The following DMBX1 variants were observed in gnomAD, a reference collection of about 807,000 sequenced individuals.
DMBX1 encodes the protein diencephalon/mesencephalon homeobox 1.
In DMBX1, 7 loss-of-function variants were observed where a neutral mutation model predicts 30.4. That is an observed-to-expected ratio of 0.23 (90% CI 0.13 to 0.43). DMBX1 has a LOEUF of 0.43. DMBX1 is among the 20% of genes least tolerant of loss of function. The pLI is 1.00. For synonymous variants in DMBX1, 222 were observed against 214.2 expected (o/e 1.04, Z -0.32); for missense variants, 460 against 508.5 (o/e 0.90, Z 0.92).
rs575700564 is a variant in DMBX1, at chr1:46,493,283, C to G, written c.-13+2500C>G. Among the ~76,000 whole-genome samples the G allele has an allele frequency of 5.9e-5, 9 of 152,314 alleles. No homozygotes were observed. In the South Asian group the frequency reaches 1.7e-3, roughly 28 times the overall value. ...CTTTCGGCAGGGTGTGTGTTCTGGT[C>G]TCCACATTCATCCTGCACTGAGTGC... On this transcript the variant is annotated intron_variant, in intron 2 of 5. Transcript: ENST00000360032. The surrounding 1 kb of genome is among the most constrained non-coding windows in gnomAD (Gnocchi z 4.1).
chr1:46,494,429 G>A (rs1421918136), intron 2 of DMBX1, among the ~76,000 whole-genome samples: 1 of 152,200 alleles, frequency 6.6e-6, no homozygotes. Flanking sequence ...ATTAGCCTGC[G>A]GGGGGCTAAT....
intron 2 of DMBX1, among the ~76,000 whole-genome samples, chr1:46,497,960 A>G (rs1343490392): frequency 3.3e-5 from 5 of 152,124 alleles, no homozygotes; most frequent in African/African-American, 1.2e-4. Context: ...TATATAATTG[A>G]TTCTGTTTGG....
intron 3 of DMBX1, 46 bp downstream of exon 3, chr1:46,507,210 T>C (rs1322332769): frequency 6.2e-7 from 1 of 1,603,948 alleles, no homozygotes; most frequent in South Asian, 1.1e-5. Context: ...CTGTGGGGGT[T>C]GGGGGAGAAG....
At position 46,510,882 on chromosome 1, in the gene DMBX1, A is replaced by G. The variant is rs1159573514; in HGVS notation, c.334-53A>G. The G allele has an allele frequency of 6.6e-7, 1 of 1,512,796 alleles. No individual in the cohort carries two copies. The highest frequency in any genetic ancestry group is 8.9e-7 in the Non-Finnish European group (1 of 1,126,780). 93.7% of individuals were successfully genotyped at this position (1,512,796 alleles called of 1,614,324 possible). A position where few individuals can be genotyped will look rare whatever the true frequency, so the allele number is the denominator to read the frequency against. ...CCTCTCCCAGAGCACCCTGCTCCAC[A>G]CCAACCCCACTTCTTTCTTGCCCAC... On this transcript the variant is annotated intron_variant, in intron 4 of 5. Transcript: ENST00000360032. This position sits in a 1 kb window ranked among gnomAD's most constrained non-coding sequence, Gnocchi z 4.1.
chr1:46,502,945 C>T (rs1254791019), intron 2 of DMBX1, among the ~76,000 whole-genome samples: 1 of 152,208 alleles, frequency 6.6e-6, no homozygotes, highest in Non-Finnish European at 1.5e-5. Context: ...CCTCAAGACC[C>T]TCCAGGGGCT....
At chr1:46,508,629 AG>A (rs1177758607) in intron 3 of DMBX1, among the ~76,000 whole-genome samples, 1 of 152,216 alleles carries the variant, frequency 6.6e-6, no homozygotes, top group African/African-American at 2.4e-5. Context: ...AGTCAGGGAC[AG>A]GGGGCTCATG....
rs753300142 is a variant in DMBX1, at chr1:46,511,089, C to A, written c.488C>A (p.Pro163Gln). 1 of 1,614,148 alleles carries A rather than the reference C, an allele frequency of 6.2e-7. No individual in the cohort carries two copies. The highest frequency in any genetic ancestry group is 8.5e-7 in the Non-Finnish European group (1 of 1,180,018). ...ACCCAGCTGGACACTGAGCAGCCCC[C>A]ACGTCTGCCTGGCAGCGACCCCCCT... is the stretch of plus-strand genomic sequence containing the variant. Reference protein sequence around the residue: ...PDTQLDTEQPPRLPGSDPPAE... With the variant: ...PDTQLDTEQPQRLPGSDPPAE... Residue 163 changes from proline to glutamine, a missense_variant, in exon 5 of 6, where the codon CCA becomes CAA. Around this residue, in one of 3 missense-constraint regions of DMBX1, gnomAD observed 334 missense variants for 345.1 expected, o/e 0.97. Coordinates refer to ENST00000360032, the MANE Select transcript of DMBX1 (RefSeq NM_172225.2).
At chr1:46,501,216 T>C (rs530582578) in intron 2 of DMBX1, among the ~76,000 whole-genome samples, 1 of 63,986 alleles carries the variant, frequency 1.6e-5, no homozygotes, top group African/African-American at 6.5e-5. Flanking sequence ...CTTCCTTCCT[T>C]TCTTTCTTTC....
chr1:46,503,295 A>C (rs138361850), intron 2 of DMBX1, among the ~76,000 whole-genome samples: 1 of 151,976 alleles, frequency 6.6e-6, no homozygotes, highest in Non-Finnish European at 1.5e-5. Context: ...CCCTCTTGTC[A>C]TTCTCCTCCT....
intron 2 of DMBX1, among the ~76,000 whole-genome samples, chr1:46,499,325 C>T (rs578079244): frequency 6.6e-5 from 10 of 152,326 alleles, no homozygotes; most frequent in Admixed American, 4.6e-4. Context: ...GCGTAAGCCC[C>T]GCGCCCAGCA....
At position 46,491,839 on chromosome 1, in the gene DMBX1, T is replaced by A. The variant is rs1665934348; in HGVS notation, c.-13+1056T>A. Reference sequence around the variant, plus strand: ...TGGCCTAAGGACGAATGAATTTAGTTCCTACCTCCCCTTTCTGCAAACCAG... The same window carrying A: ...TGGCCTAAGGACGAATGAATTTAGTACCTACCTCCCCTTTCTGCAAACCAG... On this transcript the variant is annotated intron_variant, in intron 2 of 5. Transcript: ENST00000360032. The surrounding 1 kb of genome is among the most constrained non-coding windows in gnomAD (Gnocchi z 5.5). Among the ~76,000 whole-genome samples, 1 of 152,196 alleles carries A rather than the reference T, an allele frequency of 6.6e-6. No homozygotes were observed. The highest frequency in any genetic ancestry group is 2.1e-4 in the South Asian group (1 of 4,820).
rs115343921 is a variant in DMBX1 at position 46,511,193 on chromosome 1, C to A, written c.592C>A (p.Pro198Thr). The change falls in exon 5 of 6, where the codon CCC becomes ACC. Residue 198 changes from proline to threonine, a missense_variant. Transcript: ENST00000360032. ...PEDQPDREED[P>T]RAGAEDPKAE... ...GGATCAGCCGGACCGTGAGGAGGAC[C>A]CCAGGGCAGGGGCTGAGGACCCCAA... 6.2e-7 allele frequency: 1 copy of A among 1,613,600 alleles called. No individual in the cohort carries two copies. The highest frequency in any genetic ancestry group is 1.3e-5 in the African/African-American group (1 of 75,044).
chr1:46,503,917 C>T (rs949727758), intron 2 of DMBX1, among the ~76,000 whole-genome samples: 3 of 152,194 alleles, frequency 2.0e-5, no homozygotes, highest in South Asian at 4.1e-4. Context: ...GGTGAGGGTC[C>T]GGATGGGACC....
chr1:46,501,152 C>T (rs1666116758), intron 2 of DMBX1, among the ~76,000 whole-genome samples: 1 of 151,632 alleles, frequency 6.6e-6, no homozygotes, highest in Non-Finnish European at 1.5e-5. Flanking sequence ...CCTCCCCCTT[C>T]CCTCTCTCTC....
rs992048708 is a variant in DMBX1, at chr1:46,515,987, T to C, written c.*3493T>C. 6.6e-6 allele frequency among the ~76,000 whole-genome samples: 1 copy of C among 152,224 alleles called. No individual in the cohort carries two copies. Among genetic ancestry groups the C allele is most frequent in the Non-Finnish European group, 1.5e-5 (1 of 68,038 alleles). On this transcript the variant is annotated 3_prime_UTR_variant, in exon 6 of 6. Coordinates refer to ENST00000360032, the MANE Select transcript of DMBX1 (RefSeq NM_172225.2). ...CCAAACCAGCTGTTTTGTGACCATT[T>C]GTGCTTAGAGGTCGTGCCAGCCCAT...
chr1:46,505,581 C>G (rs1187922250), intron 2 of DMBX1, among the ~76,000 whole-genome samples: 1 of 149,326 alleles, frequency 6.7e-6, no homozygotes, highest in Non-Finnish European at 1.5e-5. Context: ...AGGGGAATAT[C>G]ACACTCTGGG....
chr1:46,501,267 TTTCTCTTC>T (rs1421063585), intron 2 of DMBX1, among the ~76,000 whole-genome samples: 16 of 126,182 alleles, frequency 1.3e-4, no homozygotes, highest in African/African-American at 4.7e-4. Flanking sequence ...TCTTTCTTTC[TTTCTCTTC>T]TTTCTTTCTT....
chr1:46,498,205 G>A lies in DMBX1; in HGVS notation c.-13+7422G>A, dbSNP rs182085668. On this transcript the variant is annotated intron_variant, in intron 2 of 5. Coordinates refer to ENST00000360032, the MANE Select transcript of DMBX1 (RefSeq NM_172225.2). ...GCTGGGAAAGGGCCCACTGGGCAGG[G>A]GTCACCCTCTTGAGGCCTATGTCCT... 6.6e-4 allele frequency among the ~76,000 whole-genome samples: 100 copies of A among 152,256 alleles called. 1 individual carries two copies. In the Middle Eastern group the frequency reaches 0.014, roughly 21 times the overall value.
intron 5 of DMBX1, 123 bp downstream of exon 5, chr1:46,511,406 G>T: frequency 8.9e-7 from 1 of 1,126,772 alleles, no homozygotes; most frequent in East Asian, 2.6e-5. Context: ...ACTGACCACA[G>T]CAGGCCTGGG....
Sources: allele counts gnomAD v4.1 joint callset (sites outside exome capture counted in the v4.1 genomes callset), GRCh38; gene constraint gnomAD v4.1.1; regional missense constraint gnomAD v4.1.1; non-coding constraint Gnocchi (gnomAD v3.1); transcripts MANE v1.5; gene names NCBI Gene and HGNC (gene_info 2026-07-23, HGNC 2026-07-21).